The following PARP8 variants were observed in gnomAD, a reference collection of about 807,000 sequenced individuals.
PARP8 encodes the protein protein mono-ADP-ribosyltransferase PARP8.
Under a neutral mutation model 124.1 loss-of-function variants are expected in PARP8, and 51 were observed. The ratio of observed to expected loss-of-function variants is 0.41; its 90% CI spans 0.33 to 0.52. PARP8 has a LOEUF of 0.52. Ranked by LOEUF, PARP8 falls within the 20% of genes least tolerant of loss-of-function variation. The pLI is 0.21. For synonymous variants in PARP8, 391 were observed against 361.5 expected (o/e 1.08, Z -0.93); for missense variants, 860 against 1,018.9 (o/e 0.84, Z 2.12).
intron 2 of PARP8, among the ~76,000 whole-genome samples, chr5:50,716,228 G>A (rs111453479): frequency 0.015 from 2,240 of 152,224 alleles, 56 homozygotes; most frequent in African/African-American, 0.052. Context: ...AGATGACTAT[G>A]ATGTGGCATA....
At chr5:50,834,869 C>A in intron 24 of PARP8, 62 bp from the exon 25 acceptor site, 1 of 1,359,928 alleles carries the variant, frequency 7.4e-7, no homozygotes, top group South Asian at 1.2e-5. Flanking sequence ...TATATTAAGT[C>A]GGAATGGACT....
intron 7 of PARP8, among the ~76,000 whole-genome samples, chr5:50,776,004 C>A (rs1477940868): frequency 6.6e-6 from 1 of 152,078 alleles, no homozygotes. Flanking sequence ...TGAGTTTTTT[C>A]TTATTCAATG....
chr5:50,719,067 T>A (rs778830542), intron 2 of PARP8, among the ~76,000 whole-genome samples: 1 of 152,050 alleles, frequency 6.6e-6, no homozygotes, highest in Non-Finnish European at 1.5e-5. Flanking sequence ...TTATTAAGGA[T>A]GTTGAGCATT....
intron 9 of PARP8, among the ~76,000 whole-genome samples, chr5:50,781,168 C>T (rs189434088): frequency 3.9e-5 from 6 of 152,244 alleles, no homozygotes; most frequent in African/African-American, 1.4e-4. Context: ...GTCTTCTGCT[C>T]CACTGAGTGA....
intron 2 of PARP8, among the ~76,000 whole-genome samples, chr5:50,712,203 T>A (rs760388778): frequency 2.0e-4 from 31 of 152,302 alleles, no homozygotes; most frequent in Non-Finnish European, 2.9e-4. Flanking sequence ...TATGCTGACC[T>A]TTGGCTGTTG....
At chr5:50,702,490 A>T (rs890871922) in intron 2 of PARP8, among the ~76,000 whole-genome samples, 1 of 152,158 alleles carries the variant, frequency 6.6e-6, no homozygotes, top group Non-Finnish European at 1.5e-5. Flanking sequence ...GTGATTTTCT[A>T]GGGCGTTTTT....
In PARP8 at chr5:50,672,134, C is replaced by T. The variant is rs185035626; in HGVS notation, c.146+4009C>T. On this transcript the variant is annotated intron_variant, in intron 2 of 25. Coordinates refer to ENST00000281631, the MANE Select transcript of PARP8 (RefSeq NM_024615.4). ...CTTTGGCTCATCCCTGCTCAGCCCT[C>T]TTTGTTAAGATATTTGCTAAGCCAG... is the stretch of plus-strand genomic sequence containing the variant. Among the ~76,000 whole-genome samples the T allele has an allele frequency of 5.9e-5, 9 of 152,338 alleles. No homozygotes were observed. The East Asian group carries it at 1.7e-3, about 29-fold the overall frequency.
chr5:50,756,636 A>C (rs1213170991), intron 3 of PARP8, among the ~76,000 whole-genome samples: 1 of 152,120 alleles, frequency 6.6e-6, no homozygotes, highest in Non-Finnish European at 1.5e-5. Flanking sequence ...TAAAATATTT[A>C]ATTGTCAAAT....
intron 14 of PARP8, 90 bp from the exon 15 acceptor site, chr5:50,815,342 T>G: frequency 2.2e-6 from 2 of 898,608 alleles, no homozygotes; most frequent in Non-Finnish European, 3.3e-6. Context: ...AACCTTGCAT[T>G]TTCTATTTAT....
Position 50,842,222 on chromosome 5 carries a change from A to C in PARP8, c.*154A>C. On this transcript the variant is annotated 3_prime_UTR_variant, in exon 26 of 26. Transcript: ENST00000281631. ...TTTTCTTAGTATTTCTAAGTATCTC[A>C]TTAAATACCTAAAATGGTATAAGAT... 1 of 558,562 alleles carries C rather than the reference A, an allele frequency of 1.8e-6. No homozygotes were observed. The highest frequency in any genetic ancestry group is 3.2e-6 in the Non-Finnish European group (1 of 316,616). The allele number at this position is 558,562 out of a possible 1,614,324, so 34.6% of individuals were successfully genotyped here.
chr5:50,715,791 T>C (rs1157622005), intron 2 of PARP8, among the ~76,000 whole-genome samples: 1 of 152,084 alleles, frequency 6.6e-6, no homozygotes, highest in African/African-American at 2.4e-5. Context: ...ACTATTAGAT[T>C]TTTTACAAAC....
intron 2 of PARP8, among the ~76,000 whole-genome samples, chr5:50,708,430 T>G (rs1194265610): frequency 3.9e-5 from 6 of 152,130 alleles, no homozygotes; most frequent in Non-Finnish European, 8.8e-5. Context: ...TTTCTTTTTT[T>G]TAATCTCTGC....
intron 2 of PARP8, among the ~76,000 whole-genome samples, chr5:50,676,457 C>A (rs1750649979): frequency 6.6e-6 from 1 of 152,230 alleles, no homozygotes; most frequent in South Asian, 2.1e-4. Flanking sequence ...GGGCTCTCAA[C>A]CTTTCTTATT....
At chr5:50,692,682 C>G (rs147454281) in intron 2 of PARP8, among the ~76,000 whole-genome samples, 6 of 152,156 alleles carry the variant, frequency 3.9e-5, no homozygotes, top group Admixed American at 3.9e-4. Context: ...ATTTCATAGG[C>G]TGGTAAAAAA....
In PARP8 at chr5:50,702,723, G is replaced by A. The variant is rs74435024; in HGVS notation, c.146+34598G>A. 3.7e-4 allele frequency among the ~76,000 whole-genome samples: 56 copies of A among 152,272 alleles called. 2 individuals carry two copies. In the East Asian group the frequency reaches 9.6e-3, roughly 26 times the overall value. On this transcript the variant is annotated intron_variant, in intron 2 of 25. Coordinates refer to ENST00000281631, the MANE Select transcript of PARP8 (RefSeq NM_024615.4). ...AGAAATTGTGTTTTTAATTAGTGTA[G>A]TGTCAGCATTCTTTAATTCTCCTGT...
At chr5:50,704,807 A>G (rs1212448690) in intron 2 of PARP8, among the ~76,000 whole-genome samples, 2 of 152,212 alleles carry the variant, frequency 1.3e-5, no homozygotes, top group Admixed American at 6.5e-5. Flanking sequence ...AGCTTGCAAT[A>G]TATTTCTTTT....
At chr5:50,828,098 C>G in intron 20 of PARP8, 42 bp downstream of exon 20, 1 of 1,414,860 alleles carries the variant, frequency 7.1e-7, no homozygotes, top group African/African-American at 1.4e-5. Context: ...CTCCCATTAA[C>G]ATTTTCCAGA....
chr5:50,730,433 G>A (rs1323132502), intron 2 of PARP8, among the ~76,000 whole-genome samples: 1 of 152,120 alleles, frequency 6.6e-6, no homozygotes, highest in African/African-American at 2.4e-5. Flanking sequence ...CTGAGCAAAA[G>A]GGGGAAAAGC....
Position 50,788,545 on chromosome 5 carries a change from G to T in PARP8, c.693G>T (p.Gln231His). ...CAGTGCCCACTGTTGATGTCTTTCA[G>T]ATTTCCACAAAAGAGCGATTTGGAT... Reference protein sequence around the residue: ...NGPVPTVDVFQISTKERFGLG... With the variant: ...NGPVPTVDVFHISTKERFGLG... Residue 231 changes from glutamine to histidine, a missense_variant, in exon 10 of 26, where the codon CAG (glutamine) becomes CAT (histidine). Physicochemically the swap from Gln to His is conservative, Grantham distance 24. Around this residue, in one of 2 missense-constraint regions of PARP8, gnomAD observed 517 missense variants for 544.2 expected, o/e 0.95. Transcript: ENST00000281631. 1 of 1,613,430 alleles carries T rather than the reference G, an allele frequency of 6.2e-7. No homozygotes were observed. The highest frequency in any genetic ancestry group is 1.3e-5 in the African/African-American group (1 of 74,958).
Sources: allele counts gnomAD v4.1 joint callset (sites outside exome capture counted in the v4.1 genomes callset), GRCh38; gene constraint gnomAD v4.1.1; regional missense constraint gnomAD v4.1.1; transcripts MANE v1.5; gene names NCBI Gene and HGNC (gene_info 2026-07-23, HGNC 2026-07-21).